Variants in HMGA2 observed in about 807,000 individuals in gnomAD.
The protein encoded by HMGA2 is high mobility group protein HMGI-C.
In HMGA2, 8 loss-of-function variants were observed where a neutral mutation model predicts 19.1. That is an observed-to-expected ratio of 0.42 (90% CI 0.25 to 0.76). The LOEUF (loss-of-function observed/expected upper bound fraction) is 0.76. Among genes scored for constraint, HMGA2 ranks in the 30% least tolerant of loss-of-function variants. HMGA2 has a pLI of 0.28. For synonymous variants in HMGA2, 60 were observed against 48.8 expected, an observed-to-expected ratio of 1.23 and a Z score of -0.96; for missense variants, 109 against 136.3, an observed-to-expected ratio of 0.80 and a Z score of 1.00.
chr12:65,880,199 A>G (rs1404024190), intron 3 of HMGA2, among the ~76,000 whole-genome samples: 1 of 152,224 alleles, frequency 6.6e-6, no homozygotes, highest in Non-Finnish European at 1.5e-5. Flanking sequence ...TTTCACGGGG[A>G]AAATCCTAGC....
chr12:65,928,758 A>AGG (rs1875605177), intron 3 of HMGA2, among the ~76,000 whole-genome samples: 10 of 152,214 alleles, frequency 6.6e-5, no homozygotes, highest in Non-Finnish European at 1.0e-4. Flanking sequence ...GGATGATCAA[A>AGG]ATGTCAGTAG....
intron 3 of HMGA2, among the ~76,000 whole-genome samples, chr12:65,922,111 G>A (rs1445795336): frequency 6.6e-6 from 1 of 152,224 alleles, no homozygotes; most frequent in Non-Finnish European, 1.5e-5. Context: ...GAAGGGAAAT[G>A]TGGGGTTGGA....
rs199566787 is a variant in HMGA2 at position 65,881,775 on chromosome 12, G to A, written c.249+43206G>A. ...TAATGAAGAGCCCGTGCTGGTGAAG[G>A]AAGCCTGCTGATCCCGGAACTGGCC... is the stretch of plus-strand genomic sequence containing the variant. On this transcript the variant is annotated intron_variant, in intron 3 of 4. Transcript: ENST00000403681. 269 of 703,060 alleles carry A rather than the reference G, an allele frequency of 3.8e-4. 1 individual carries two copies. Among genetic ancestry groups the A allele is most frequent in the Middle Eastern group, 2.3e-3 (10 of 4,370 alleles). 43.6% of individuals were successfully genotyped at this position (703,060 alleles called of 1,614,324 possible). A position where few individuals can be genotyped will look rare whatever the true frequency, so the allele number is the denominator to read the frequency against.
intron 3 of HMGA2, among the ~76,000 whole-genome samples, chr12:65,880,059 G>A (rs1431510729): frequency 1.3e-5 from 2 of 152,226 alleles, no homozygotes; most frequent in Admixed American, 1.3e-4. Flanking sequence ...TTGACCAAAA[G>A]TATGCAAGTG....
At chr12:65,902,523 C>T (rs942743141) in intron 3 of HMGA2, among the ~76,000 whole-genome samples, 17 of 152,072 alleles carry the variant, frequency 1.1e-4, no homozygotes, top group African/African-American at 3.9e-4. Flanking sequence ...AAGAAAACAA[C>T]CAAAAATTAT....
intron 4 of HMGA2, 106 bp downstream of exon 4, chr12:65,951,521 G>A (rs1019639345): frequency 2.4e-5 from 18 of 764,970 alleles, no homozygotes; most frequent in Non-Finnish European, 3.8e-5. Flanking sequence ...CTTACTTTTG[G>A]TTATCGTCCT....
intron 4 of HMGA2, among the ~76,000 whole-genome samples, chr12:65,959,550 T>G (rs1876692914): frequency 6.6e-6 from 1 of 152,180 alleles, no homozygotes. Flanking sequence ...AGCTTTTCGG[T>G]GTTTAGAGGC....
chr12:65,903,355 G>A (rs1298033439), intron 3 of HMGA2, among the ~76,000 whole-genome samples: 1 of 152,124 alleles, frequency 6.6e-6, no homozygotes, highest in East Asian at 1.9e-4. Context: ...GGGACATGTA[G>A]GATTTTAAAT....
chr12:65,888,128 G>C (rs1477919491), intron 3 of HMGA2, among the ~76,000 whole-genome samples: 1 of 152,074 alleles, frequency 6.6e-6, no homozygotes. Context: ...TATAGTTTAT[G>C]AGTTAGGGAG....
rs140900137 is a variant in HMGA2 at position 65,824,806 on chromosome 12, C to T, written c.-465C>T. The stretch of plus-strand genomic sequence containing the variant: ...GGAAGAGGAGGAGGAATTCTTTCCC[C>T]GCCTAACATTTCAAGGGACACAATT... On this transcript the variant is annotated 5_prime_UTR_variant, in exon 1 of 5. Transcript: ENST00000403681. 6 of 230,740 alleles carry T rather than the reference C, an allele frequency of 2.6e-5. No homozygotes were observed. Among genetic ancestry groups the T allele is most frequent in the Non-Finnish European group, 4.2e-5 (5 of 118,300 alleles). The allele number at this position is 230,740 out of a possible 1,614,324, so 14.3% of individuals were successfully genotyped here.
At chr12:65,833,058 G>A (rs868225973) in intron 2 of HMGA2, among the ~76,000 whole-genome samples, 1 of 152,036 alleles carries the variant, frequency 6.6e-6, no homozygotes, top group Non-Finnish European at 1.5e-5. Flanking sequence ...GCTAACTTGG[G>A]TAATAGGCAG....
At position 65,964,362 on chromosome 12, in the gene HMGA2, T is replaced by C. The variant is rs1423581969; in HGVS notation, c.*1070T>C. 1 of 225,972 alleles carries C rather than the reference T, an allele frequency of 4.4e-6. No individual in the cohort carries two copies. Among genetic ancestry groups the C allele is most frequent in the Non-Finnish European group, 8.8e-6 (1 of 113,498 alleles). The allele number at this position is 225,972 out of a possible 1,614,324, so 14.0% of individuals were successfully genotyped here. On this transcript the variant is annotated 3_prime_UTR_variant, in exon 5 of 5. Transcript: ENST00000403681. ...CTCTTCCTCTCCCTCTCTCTTTTCATTGTGTATCAGTTTCCATGAAAGACC... is the reference window on the plus strand; with the variant it reads ...CTCTTCCTCTCCCTCTCTCTTTTCACTGTGTATCAGTTTCCATGAAAGACC...
chr12:65,951,328 T>A (rs1592465140), intron 3 of HMGA2, 55 bp from the exon 4 acceptor site: 1 of 1,156,420 alleles, frequency 8.6e-7, no homozygotes, highest in East Asian at 2.6e-5. Context: ...TACACCTAAT[T>A]TTTTCTATAA....
At chr12:65,924,708 GA>G (rs1457840397) in intron 3 of HMGA2, among the ~76,000 whole-genome samples, 4 of 152,142 alleles carry the variant, frequency 2.6e-5, no homozygotes, top group African/African-American at 9.7e-5. Context: ...TGAGACAGGA[GA>G]ATCACTTGAA....
At chr12:65,837,688 T>C (rs1459737513) in intron 2 of HMGA2, among the ~76,000 whole-genome samples, 1 of 152,220 alleles carries the variant, frequency 6.6e-6, no homozygotes, top group African/African-American at 2.4e-5. Flanking sequence ...ACGGAAAAAC[T>C]AATTGCTTTA....
intron 3 of HMGA2, among the ~76,000 whole-genome samples, chr12:65,849,738 T>TTTTTTTTTTG (rs1871379393): frequency 9.3e-6 from 1 of 107,898 alleles, no homozygotes; most frequent in Non-Finnish European, 1.8e-5. Context: ...GGCTCTGTAT[T>TTTTTTTTTTG]TTTTTTTTTT....
At chr12:65,878,204 C>A (rs1482277473) in intron 3 of HMGA2, among the ~76,000 whole-genome samples, 5 of 152,210 alleles carry the variant, frequency 3.3e-5, no homozygotes, top group Non-Finnish European at 1.5e-5. Context: ...TAAAATGGTT[C>A]TCTGCAACAA....
chr12:65,855,439 TTC>T (rs796480425), intron 3 of HMGA2, among the ~76,000 whole-genome samples: 1,280 of 116,830 alleles, frequency 0.011, 6 homozygotes, highest in Middle Eastern at 0.019. Flanking sequence ...CTCTTTCTCT[TTC>T]TCTCTCTCTC....
At chr12:65,896,712 G>T (rs1322600275) in intron 3 of HMGA2, among the ~76,000 whole-genome samples, 1 of 152,176 alleles carries the variant, frequency 6.6e-6, no homozygotes, top group Non-Finnish European at 1.5e-5. Flanking sequence ...ATACTGATCT[G>T]ATCTACAGTA....
Sources: allele counts gnomAD v4.1 joint callset (sites outside exome capture counted in the v4.1 genomes callset), GRCh38; gene constraint gnomAD v4.1.1; transcripts MANE v1.5; gene names NCBI Gene and HGNC (gene_info 2026-07-23, HGNC 2026-07-21).